The following ASZ1 variants were observed in gnomAD, a reference collection of about 807,000 sequenced individuals.
ASZ1 encodes ankyrin repeat, SAM and basic leucine zipper domain containing 1.
Under a neutral mutation model 61.8 loss-of-function variants are expected in ASZ1, and 67 were observed. The observed-to-expected ratio is 1.08, with a 90% CI of 0.89 to 1.33. The LOEUF is 1.33. ASZ1 is among the 40% of genes most tolerant of loss of function. The probability of loss-of-function intolerance (pLI) is 0.00; values close to 1 mark genes in which losing one functional copy is unlikely to be tolerated. For missense variants in ASZ1, 577 were observed against 554.5 expected (o/e 1.04, Z -0.41); for synonymous variants, 193 against 192.7 (o/e 1.00, Z -0.01).
Position 117,384,833 on chromosome 7 carries a change from G to A in ASZ1, c.580C>T (p.His194Tyr). The A allele has an allele frequency of 1.2e-6, 2 of 1,604,602 alleles. No individual in the cohort carries two copies. The highest frequency in any genetic ancestry group is 1.7e-6 in the Non-Finnish European group (2 of 1,176,878). The change falls in exon 6 of 13, where the codon CAT (histidine) becomes TAT (tyrosine). Residue 194 changes from histidine (H) to tyrosine (Y), a missense_variant. Coordinates refer to ENST00000284629, the MANE Select transcript of ASZ1 (RefSeq NM_130768.3). ...AGCAACTTCAAAACTATATTTTTAT[G>A]ACCCTGACGTGCTGCCCACGTTAAA... ...TALTWAARQG[H>Y]KNIVLKLLEL...
At position 117,369,876 on chromosome 7, in the gene ASZ1, C is replaced by T. The variant is rs1302592686; in HGVS notation, c.1056-1159G>A. 2.0e-5 allele frequency among the ~76,000 whole-genome samples: 3 copies of T among 152,286 alleles called. No individual in the cohort carries two copies. In the East Asian group the frequency reaches 5.8e-4, roughly 29 times the overall value. On this transcript the variant is annotated intron_variant, in intron 10 of 12. Transcript: ENST00000284629. ...TGTGAGTTTGGATTCAGCTTCCACACTTATTAGCTTTATGATTTTGGGCAA... is the reference window on the plus strand; with the variant it reads ...TGTGAGTTTGGATTCAGCTTCCACATTTATTAGCTTTATGATTTTGGGCAA...
chr7:117,409,408 C>T (rs1179146462), intron 4 of ASZ1, among the ~76,000 whole-genome samples: 4 of 151,728 alleles, frequency 2.6e-5, no homozygotes, highest in African/African-American at 4.8e-5. Flanking sequence ...AGTCAGTGTT[C>T]CTTTACAGTT....
Position 117,363,543 on chromosome 7 carries a change from T to G in ASZ1, c.*53A>C, listed in dbSNP as rs762773783. On this transcript the variant is annotated 3_prime_UTR_variant, in exon 13 of 13. Transcript: ENST00000284629. ...TGCTGCAAACAGTTAAAAGCAATGA[T>G]TTTTGGATGGTTCAATAAGATGTGT... 5 of 1,369,776 alleles carry G rather than the reference T, an allele frequency of 3.7e-6. No homozygotes were observed. In the African/African-American group the frequency reaches 5.9e-5, roughly 16 times the overall value. The allele number at this position is 1,369,776 out of a possible 1,614,324, so 84.9% of individuals were successfully genotyped here.
intron 10 of ASZ1, among the ~76,000 whole-genome samples, chr7:117,379,168 T>TATATACACACAC (rs1161457624): frequency 4.3e-5 from 3 of 69,724 alleles, no homozygotes; most frequent in African/African-American, 1.6e-4. Context: ...TATATATATA[T>TATATACACACAC]ACACACACAC....
intron 4 of ASZ1, among the ~76,000 whole-genome samples, chr7:117,419,926 C>G (rs1242821716): frequency 6.6e-6 from 1 of 152,186 alleles, no homozygotes; most frequent in Admixed American, 6.5e-5. Context: ...TTATTGTCCT[C>G]CTTTCCCTCT....
At chr7:117,401,398 A>AG (rs1796678273) in intron 4 of ASZ1, among the ~76,000 whole-genome samples, 1 of 151,674 alleles carries the variant, frequency 6.6e-6, no homozygotes, top group Non-Finnish European at 1.5e-5. Flanking sequence ...TTTTTTTAAA[A>AG]AAAAAGACCA....
intron 4 of ASZ1, among the ~76,000 whole-genome samples, chr7:117,407,909 G>A (rs1301510028): frequency 6.6e-6 from 1 of 152,206 alleles, no homozygotes; most frequent in African/African-American, 2.4e-5. Context: ...CGAACGGGCA[G>A]TTAGTGTGTA....
In ASZ1 at chr7:117,368,869, G is replaced by T. The variant is rs931509017; in HGVS notation, c.1056-152C>A. On this transcript the variant is annotated intron_variant, in intron 10 of 12. Coordinates refer to ENST00000284629, the MANE Select transcript of ASZ1 (RefSeq NM_130768.3). ...TAATACAGATTAGGTACTGAAACAG[G>T]CATTGATTATAAAAGAAAAACAAAC... 1.8e-5 allele frequency: 25 copies of T among 1,392,614 alleles called. No homozygotes were observed. The Middle Eastern group carries it at 1.4e-3, about 76-fold the overall frequency. 86.3% of individuals were successfully genotyped at this position (1,392,614 alleles called of 1,614,324 possible). A position where few individuals can be genotyped will look rare whatever the true frequency, so the allele number is the denominator to read the frequency against.
chr7:117,405,580 T>C (rs762702271), intron 4 of ASZ1, among the ~76,000 whole-genome samples: 1 of 152,230 alleles, frequency 6.6e-6, no homozygotes, highest in Non-Finnish European at 1.5e-5. Flanking sequence ...ATAGCAGTCA[T>C]TGGGCCTCAC....
At chr7:117,407,878 G>A (rs963735205) in intron 4 of ASZ1, among the ~76,000 whole-genome samples, 1 of 152,186 alleles carries the variant, frequency 6.6e-6, no homozygotes, top group Non-Finnish European at 1.5e-5. Flanking sequence ...ATGGTTGGAT[G>A]TCAGAAGATA....
At chr7:117,411,263 G>A (rs2116518988) in intron 4 of ASZ1, among the ~76,000 whole-genome samples, 1 of 151,884 alleles carries the variant, frequency 6.6e-6, no homozygotes, top group Non-Finnish European at 1.5e-5. Context: ...ATCTATCATT[G>A]TTTGCATACA....
chr7:117,365,437 A>G (rs1562843158), intron 12 of ASZ1, among the ~76,000 whole-genome samples: 1 of 152,168 alleles, frequency 6.6e-6, no homozygotes, highest in Non-Finnish European at 1.5e-5. Context: ...AATTTCACTC[A>G]TTTAACAAAA....
chr7:117,396,971 C>T (rs1458421798), intron 4 of ASZ1, among the ~76,000 whole-genome samples: 2 of 150,966 alleles, frequency 1.3e-5, no homozygotes, highest in African/African-American at 4.9e-5. Flanking sequence ...AATTTTAAAG[C>T]ATAAACAAAA....
rs1323307896 is a variant in ASZ1, at chr7:117,363,695, T to C, written c.1329A>G (p.Val443=). Reference sequence around the variant, plus strand: ...TCAAAATTCTACTATTCCATGTAGATACTTCTTCCCTTAATTGTATATGAG... The same window carrying C: ...TCAAAATTCTACTATTCCATGTAGACACTTCTTCCCTTAATTGTATATGAG... ...DPTHIQLREE[V]STWNSRILKR... is the part of the protein sequence containing the mutation. The change falls in exon 13 of 13, where the codon GTA becomes GTG. Residue 443 remains valine (V), a synonymous_variant. Coordinates refer to ENST00000284629, the MANE Select transcript of ASZ1 (RefSeq NM_130768.3). 1 of 1,606,634 alleles carries C rather than the reference T, an allele frequency of 6.2e-7. No homozygotes were observed. Among genetic ancestry groups the C allele is most frequent in the Non-Finnish European group, 8.5e-7 (1 of 1,175,592 alleles).
At chr7:117,369,966 T>C (rs1407034366) in intron 10 of ASZ1, among the ~76,000 whole-genome samples, 1 of 152,102 alleles carries the variant, frequency 6.6e-6, no homozygotes, top group African/African-American at 2.4e-5. Context: ...AAGAAAACAA[T>C]GTACATAAAG....
At chr7:117,375,515 A>C (rs1796120727) in intron 10 of ASZ1, among the ~76,000 whole-genome samples, 1 of 152,040 alleles carries the variant, frequency 6.6e-6, no homozygotes, top group African/African-American at 2.4e-5. Flanking sequence ...TAACTCTATT[A>C]ATTTTTGAGA....
At position 117,427,406 on chromosome 7, in the gene ASZ1, C is replaced by G. The variant is rs773542306; in HGVS notation, c.55G>C (p.Glu19Gln). 71 of 1,614,054 alleles carry G rather than the reference C, an allele frequency of 4.4e-5. No individual in the cohort carries two copies. The highest frequency in any genetic ancestry group is 5.8e-5 in the Non-Finnish European group (69 of 1,180,028). ...ATCTCCCAGCCATCATCCTCGCTCT[C>G]GCTACTCTCGCCTCCGCCAGCCACT... is the stretch of plus-strand genomic sequence containing the variant. Reference protein sequence around the residue: ...LPVAGGGESSESEDDGWEIGY... With the variant: ...LPVAGGGESSQSEDDGWEIGY... The change falls in exon 1 of 13, where the codon GAG (glutamate) becomes CAG (glutamine). Residue 19 changes from glutamate to glutamine, a missense_variant. Coordinates refer to ENST00000284629, the MANE Select transcript of ASZ1 (RefSeq NM_130768.3).
intron 4 of ASZ1, among the ~76,000 whole-genome samples, chr7:117,401,551 C>A (rs532035572): frequency 1.3e-5 from 2 of 152,078 alleles, no homozygotes; most frequent in South Asian, 4.2e-4. Context: ...AAGGAGAGAC[C>A]CAGAATCAAC....
intron 4 of ASZ1, among the ~76,000 whole-genome samples, chr7:117,399,042 A>T (rs1031003478): frequency 1.3e-5 from 2 of 152,074 alleles, no homozygotes; most frequent in African/African-American, 4.8e-5. Context: ...CAGACTGGGC[A>T]ACATAGTGAG....
Sources: allele counts gnomAD v4.1 joint callset (sites outside exome capture counted in the v4.1 genomes callset), GRCh38; gene constraint gnomAD v4.1.1; transcripts MANE v1.5; gene names NCBI Gene and HGNC (gene_info 2026-07-23, HGNC 2026-07-21).